The following MYT1L variants were observed in gnomAD, a reference collection of about 807,000 sequenced individuals.
The protein encoded by MYT1L is myelin transcription factor 1 like, also known as myelin transcription factor 1-like protein.
Under a neutral mutation model 126.7 loss-of-function variants are expected in MYT1L, and 12 were observed. The ratio of observed to expected loss-of-function variants is 0.09; its 90% CI spans 0.06 to 0.15. MYT1L has a LOEUF of 0.15. Ranked by LOEUF, MYT1L falls within the 10% of genes least tolerant of loss-of-function variation. The pLI is 1.00. For synonymous variants in MYT1L, 541 were observed against 604.2 expected, an observed-to-expected ratio of 0.90 and a Z score of 1.53; for missense variants, 979 against 1,585.2, an observed-to-expected ratio of 0.62 and a Z score of 6.49.
intron 18 of MYT1L, among the ~76,000 whole-genome samples, chr2:1,860,219 A>G (rs2044412952): frequency 6.6e-6 from 1 of 152,238 alleles, no homozygotes; most frequent in Non-Finnish European, 1.5e-5. Context: ...AACTGCTGCC[A>G]GAGCACATGC....
At chr2:2,161,245 T>A (rs1404738365) in intron 3 of MYT1L, among the ~76,000 whole-genome samples, 1 of 152,148 alleles carries the variant, frequency 6.6e-6, no homozygotes, top group Non-Finnish European at 1.5e-5. Context: ...AACCAAACTG[T>A]ATTAATATAT....
At chr2:2,186,356 C>T (rs551635223) in intron 2 of MYT1L, among the ~76,000 whole-genome samples, 8 of 152,266 alleles carry the variant, frequency 5.3e-5, no homozygotes, top group Admixed American at 2.6e-4. Context: ...CGGGCCTTCC[C>T]GAGTCCTGCG....
Position 1,979,195 on chromosome 2 carries a change from T to C in MYT1L, c.122A>G (p.His41Arg). 6.2e-7 allele frequency: 1 copy of C among 1,613,956 alleles called. No individual in the cohort carries two copies. Among genetic ancestry groups the C allele is most frequent in the Non-Finnish European group, 8.5e-7 (1 of 1,179,942 alleles). ...CPTPGCDGSG[H>R]VSGKYARHRS... ...GTGTCTTGCATATTTGCCACTGACA[T>C]GACCACTGCCGTCACAGCCAGGGGT... Residue 41 changes from histidine (H) to arginine (R), a missense_variant, in exon 8 of 25, where the codon CAT becomes CGT. Physicochemically the swap from His to Arg is conservative, Grantham distance 29. Transcript: ENST00000647738. This position sits in a 1 kb window ranked among gnomAD's most constrained non-coding sequence, Gnocchi z 4.0.
chr2:2,274,480 A>AATAG (rs112107167), intron 2 of MYT1L, among the ~76,000 whole-genome samples: 5,944 of 152,204 alleles, frequency 0.039, 365 homozygotes, highest in African/African-American at 0.14. Flanking sequence ...CATTTAGGAG[A>AATAG]ATAAAGGGAC....
At chr2:2,325,844 C>G (rs934524818) in intron 1 of MYT1L, 1 of 152,220 alleles carries the variant, frequency 6.6e-6, no homozygotes, top group Admixed American at 6.5e-5. Flanking sequence ...ATTGTTGGCG[C>G]GTTCACACGC....
chr2:2,112,798 C>T lies in MYT1L; in HGVS notation c.-303-58675G>A, dbSNP rs544867599. Among the ~76,000 whole-genome samples, 10 of 152,308 alleles carry T rather than the reference C, an allele frequency of 6.6e-5. No homozygotes were observed. In the South Asian group the frequency reaches 1.2e-3, roughly 19 times the overall value. ...CCTCTCCAGTCTGTGTTGAGGAAAA[C>T]GAATTCATTATGAACCTTAATACCA... On this transcript the variant is annotated intron_variant, in intron 3 of 24. Transcript: ENST00000647738.
chr2:1,869,112 C>T (rs1451452325), intron 18 of MYT1L, among the ~76,000 whole-genome samples: 1 of 152,262 alleles, frequency 6.6e-6, no homozygotes, highest in Admixed American at 6.5e-5. Context: ...CCGGTCCATG[C>T]ACAGTCAAAA....
intron 3 of MYT1L, among the ~76,000 whole-genome samples, chr2:2,168,708 G>A (rs1228610502): frequency 6.6e-6 from 1 of 152,110 alleles, no homozygotes; most frequent in African/African-American, 2.4e-5. Flanking sequence ...ATGGAGAGTG[G>A]TCAGCCCTGA....
chr2:2,180,030 G>A (rs1037693833), intron 2 of MYT1L, among the ~76,000 whole-genome samples: 5 of 152,168 alleles, frequency 3.3e-5, no homozygotes, highest in Non-Finnish European at 7.3e-5. Context: ...GTTTCACACA[G>A]CCAGCCAGTG....
intron 2 of MYT1L, among the ~76,000 whole-genome samples, chr2:2,274,300 A>G (rs563169791): frequency 5.9e-4 from 85 of 144,188 alleles, no homozygotes; most frequent in African/African-American, 2.1e-3. Context: ...TTAAAAAGAA[A>G]GGAAAGAAGG....
chr2:2,289,023 G>C (rs898661122), intron 1 of MYT1L, among the ~76,000 whole-genome samples: 4 of 152,134 alleles, frequency 2.6e-5, no homozygotes, highest in Non-Finnish European at 4.4e-5. Context: ...TAGCTTTCCT[G>C]CAGGCTTCTG....
chr2:2,046,439 C>G (rs1166374051), intron 4 of MYT1L, among the ~76,000 whole-genome samples: 2 of 152,144 alleles, frequency 1.3e-5, no homozygotes, highest in African/African-American at 2.4e-5. Flanking sequence ...TTTCCAGAAT[C>G]TTGTTCTTAT....
chr2:1,985,933 G>T (rs779686103), intron 5 of MYT1L, among the ~76,000 whole-genome samples: 3 of 152,176 alleles, frequency 2.0e-5, no homozygotes, highest in Non-Finnish European at 4.4e-5. Flanking sequence ...TGTGTGTGTT[G>T]TGAGGGTGCA....
chr2:2,148,594 G>T (rs1251313407), intron 3 of MYT1L, among the ~76,000 whole-genome samples: 3 of 152,160 alleles, frequency 2.0e-5, no homozygotes, highest in Non-Finnish European at 2.9e-5. Flanking sequence ...CCACAGAAAG[G>T]TGCCAAGGGC....
chr2:2,202,598 A>C (rs995882036), intron 2 of MYT1L, among the ~76,000 whole-genome samples: 1 of 152,238 alleles, frequency 6.6e-6, no homozygotes, highest in African/African-American at 2.4e-5. Flanking sequence ...TGAATAGACC[A>C]ATAACAGGCT....
At chr2:1,845,472 G>A (rs932475394) in intron 19 of MYT1L, among the ~76,000 whole-genome samples, 4 of 152,148 alleles carry the variant, frequency 2.6e-5, no homozygotes, top group Non-Finnish European at 5.9e-5. Flanking sequence ...TCTTTATACC[G>A]GATGATGATG....
intron 4 of MYT1L, among the ~76,000 whole-genome samples, chr2:2,041,224 A>G (rs924453262): frequency 3.9e-5 from 6 of 152,334 alleles, no homozygotes; most frequent in African/African-American, 1.2e-4. Flanking sequence ...ATATGGCATA[A>G]TTGTACTATT....
At position 2,180,277 on chromosome 2, in the gene MYT1L, G is replaced by A. The variant is rs140720892; in HGVS notation, c.-420-7289C>T. 3.2e-4 allele frequency among the ~76,000 whole-genome samples: 49 copies of A among 151,522 alleles called. No homozygotes were observed. In the East Asian group the frequency reaches 8.2e-3, roughly 25 times the overall value. ...GTACAGAAGATGTTTATTACTTGGT[G>A]AATTCTTCATTTGTTTAGCATAGTC... On this transcript the variant is annotated intron_variant, in intron 2 of 24. Transcript: ENST00000647738.
rs557540664 is a variant in MYT1L at position 1,969,214 on chromosome 2, G to A, written c.152+9951C>T. Among the ~76,000 whole-genome samples, 237 of 152,156 alleles carry A rather than the reference G, an allele frequency of 1.6e-3. 4 individuals are homozygous for A. Among genetic ancestry groups the A allele is most frequent in the Admixed American group, 0.015 (223 of 15,296 alleles). On this transcript the variant is annotated intron_variant, in intron 8 of 24. Coordinates refer to ENST00000647738, the MANE Select transcript of MYT1L (RefSeq NM_001303052.2). ...GACTACAGTGATGCTGGGCCCCGGC[G>A]GGGGATGCGGGCAGGTGGGAGGAGC...
Sources: gnomAD v4.1 joint callset for allele counts (sites outside exome capture counted in the v4.1 genomes callset) on GRCh38, gnomAD v4.1.1 for gene constraint, Gnocchi (gnomAD v3.1) non-coding constraint, MANE v1.5 for transcripts, NCBI Gene and HGNC (gene_info 2026-07-23, HGNC 2026-07-21) for gene names.